The following ANKRD29 variants were observed in gnomAD, a reference collection of about 807,000 sequenced individuals.
ANKRD29 encodes the protein ankyrin repeat domain-containing protein 29.
In ANKRD29, 32 loss-of-function variants were observed where a neutral mutation model predicts 38.0. The ratio of observed to expected loss-of-function variants is 0.84; its 90% CI spans 0.64 to 1.13. The LOEUF (loss-of-function observed/expected upper bound fraction) is 1.13, where lower values mean the gene tolerates loss of function less well. Among genes scored for constraint, ANKRD29 ranks in the 50% most tolerant of loss-of-function variants. The pLI is 0.00. For synonymous variants in ANKRD29, 135 were observed against 152.4 expected (o/e 0.89, Z 0.84); for missense variants, 357 against 377.9 (o/e 0.94, Z 0.46).
intron 9 of ANKRD29, 28 bp from the exon 10 acceptor site, chr18:23,601,337 G>C: frequency 6.3e-7 from 1 of 1,589,086 alleles, no homozygotes; most frequent in Non-Finnish European, 8.6e-7. Flanking sequence ...GGGCATTAGT[G>C]AATCCCCATA....
chr18:23,659,497 C>T (rs908478658), intron 1 of ANKRD29, among the ~76,000 whole-genome samples: 10 of 152,132 alleles, frequency 6.6e-5, no homozygotes, highest in Non-Finnish European at 1.3e-4. Context: ...GTAATCCCAG[C>T]ACTTTGGAAG....
At chr18:23,640,717 A>C (rs1030525) in intron 3 of ANKRD29, among the ~76,000 whole-genome samples, 19,800 of 152,224 alleles carry the variant, frequency 0.13, 2,953 homozygotes, top group African/African-American at 0.34. Context: ...TGAGCAAAAT[A>C]ATGAACCATT....
At chr18:23,630,019 C>A (rs147958291) in intron 5 of ANKRD29, 68 bp from the exon 6 acceptor site, 2 of 1,379,708 alleles carry the variant, frequency 1.4e-6, no homozygotes, top group East Asian at 2.4e-5. Flanking sequence ...GAAATTAGGG[C>A]GGGTGCAGTG....
chr18:23,611,189 T>G (rs1042527567), intron 9 of ANKRD29, among the ~76,000 whole-genome samples: 1 of 152,228 alleles, frequency 6.6e-6, no homozygotes, highest in Admixed American at 6.5e-5. Context: ...AACAGTGGCA[T>G]GTACTCCTGT....
intron 4 of ANKRD29, among the ~76,000 whole-genome samples, chr18:23,635,049 T>A (rs958451057): frequency 6.6e-6 from 1 of 152,198 alleles, no homozygotes; most frequent in Admixed American, 6.5e-5. Context: ...CCTTTTAACA[T>A]GTGCCAATTT....
chr18:23,650,614 G>T (rs1227540162), intron 1 of ANKRD29, among the ~76,000 whole-genome samples: 2 of 152,198 alleles, frequency 1.3e-5, no homozygotes, highest in Non-Finnish European at 2.9e-5. Flanking sequence ...GGGAAGAACT[G>T]GCTTTGGGAC....
intron 6 of ANKRD29, among the ~76,000 whole-genome samples, chr18:23,621,979 T>G (rs2059802624): frequency 6.6e-6 from 1 of 152,038 alleles, no homozygotes; most frequent in Non-Finnish European, 1.5e-5. Context: ...CCCAGCCTTC[T>G]AAGTCTCAAG....
At chr18:23,601,538 A>T (rs554612782) in intron 9 of ANKRD29, among the ~76,000 whole-genome samples, 1 of 152,288 alleles carries the variant, frequency 6.6e-6, no homozygotes, top group Non-Finnish European at 1.5e-5. Context: ...CCCTTACTAG[A>T]CTGTAATCTC....
chr18:23,645,309 C>A (rs2060124542), intron 3 of ANKRD29, among the ~76,000 whole-genome samples: 2 of 152,128 alleles, frequency 1.3e-5, no homozygotes, highest in African/African-American at 4.8e-5. Flanking sequence ...TTAAAATGTC[C>A]CAGCCTAGGC....
intron 9 of ANKRD29, among the ~76,000 whole-genome samples, chr18:23,611,647 T>G (rs1029527897): frequency 1.3e-5 from 2 of 152,096 alleles, no homozygotes; most frequent in Non-Finnish European, 2.9e-5. Context: ...ATCACGCCAC[T>G]GCACTCCAGT....
intron 8 of ANKRD29, among the ~76,000 whole-genome samples, chr18:23,614,108 T>A (rs1418949084): frequency 6.6e-6 from 1 of 151,982 alleles, no homozygotes; most frequent in Non-Finnish European, 1.5e-5. Context: ...TTTGCTCTTG[T>A]CACCTGGGCT....
intron 1 of ANKRD29, chr18:23,649,445 T>G: frequency 1.5e-6 from 1 of 683,440 alleles, no homozygotes; most frequent in Non-Finnish European, 2.7e-6. Context: ...TATTTCCCAC[T>G]AATGTTCTCA....
intron 1 of ANKRD29, among the ~76,000 whole-genome samples, chr18:23,656,973 T>G (rs1849986617): frequency 6.6e-6 from 1 of 152,180 alleles, no homozygotes; most frequent in South Asian, 2.1e-4. Flanking sequence ...CTGCTCCCGG[T>G]GGAAGCAAGG....
intron 1 of ANKRD29, among the ~76,000 whole-genome samples, chr18:23,659,253 C>T (rs1281099715): frequency 6.6e-6 from 1 of 152,148 alleles, no homozygotes; most frequent in Non-Finnish European, 1.5e-5. Context: ...GCTGGGATTA[C>T]AGGGATGAGC....
At position 23,619,456 on chromosome 18, in the gene ANKRD29, T is replaced by A. The variant is rs897456922; in HGVS notation, c.627+75A>T. 18 of 1,378,076 alleles carry A rather than the reference T, an allele frequency of 1.3e-5. No homozygotes were observed. In the South Asian group the frequency reaches 2.3e-4, roughly 18 times the overall value. 85.4% of individuals were successfully genotyped at this position (1,378,076 alleles called of 1,614,324 possible). The stretch of plus-strand genomic sequence containing the variant: ...GAGGAAACCCATGTGGGCTGCAGAC[T>A]CAGTCAAGACCCGTTTTCTCCACAC... On this transcript the variant is annotated intron_variant, in intron 7 of 9. Coordinates refer to ENST00000592179, the MANE Select transcript of ANKRD29 (RefSeq NM_173505.4).
intron 6 of ANKRD29, among the ~76,000 whole-genome samples, chr18:23,621,695 T>C (rs1236550011): frequency 6.6e-6 from 1 of 152,148 alleles, no homozygotes; most frequent in Non-Finnish European, 1.5e-5. Context: ...ATAATTATTA[T>C]TTGAGACAGG....
chr18:23,636,836 A>G (rs1177226950), intron 4 of ANKRD29, among the ~76,000 whole-genome samples: 1 of 152,200 alleles, frequency 6.6e-6, no homozygotes, highest in East Asian at 1.9e-4. Flanking sequence ...AGCCTCCCAA[A>G]GTGCTAGGTG....
intron 6 of ANKRD29, among the ~76,000 whole-genome samples, chr18:23,628,826 G>A (rs373969659): frequency 0.019 from 2,122 of 109,472 alleles, 59 homozygotes; most frequent in African/African-American, 0.067. Context: ...AGAGCAAGAC[G>A]CTGTCTCAAA....
At chr18:23,659,273 T>A (rs1308824072) in intron 1 of ANKRD29, among the ~76,000 whole-genome samples, 3 of 152,250 alleles carry the variant, frequency 2.0e-5, no homozygotes, top group Non-Finnish European at 4.4e-5. Flanking sequence ...CCACTGTGCC[T>A]GGCCCACATT....
Sources: gnomAD v4.1 joint callset for allele counts (sites outside exome capture counted in the v4.1 genomes callset) on GRCh38, gnomAD v4.1.1 for gene constraint, MANE v1.5 for transcripts, NCBI Gene and HGNC (gene_info 2026-07-23, HGNC 2026-07-21) for gene names.